Variants in RAB7A observed in about 807,000 individuals in gnomAD.
RAB7A encodes the protein ras-related protein Rab-7a.
Under a neutral mutation model 24.5 loss-of-function variants are expected in RAB7A, and 2 were observed. That is an observed-to-expected ratio of 0.08 (90% CI 0.03 to 0.26). RAB7A has a LOEUF of 0.26. Ranked by LOEUF, RAB7A falls within the 10% of genes least tolerant of loss-of-function variation. RAB7A has a pLI of 1.00. For synonymous variants in RAB7A, 100 were observed against 95.9 expected (o/e 1.04, Z -0.25); for missense variants, 118 against 255.7 (o/e 0.46, Z 3.67).
chr3:128,795,146 G>A (rs1933539028), intron 1 of RAB7A: 1 of 599,126 alleles, frequency 1.7e-6, no homozygotes, highest in African/African-American at 1.9e-5. Flanking sequence ...GCAGGGGCAG[G>A]ATGGCCCTGC....
intron 1 of RAB7A, among the ~76,000 whole-genome samples, chr3:128,777,910 C>T (rs1379913362): frequency 1.3e-5 from 2 of 152,134 alleles, no homozygotes; most frequent in Admixed American, 1.3e-4. Context: ...GACAGGGTTT[C>T]ACCATGCTGG....
intron 5 of RAB7A, among the ~76,000 whole-genome samples, chr3:128,808,559 A>C (rs1380384037): frequency 2.6e-5 from 4 of 152,186 alleles, no homozygotes; most frequent in Admixed American, 2.6e-4. Context: ...GATGTAGGAA[A>C]ACTATTCAAG....
At chr3:128,757,055 G>A (rs1387160809) in intron 1 of RAB7A, among the ~76,000 whole-genome samples, 3 of 152,018 alleles carry the variant, frequency 2.0e-5, no homozygotes, top group African/African-American at 7.2e-5. Flanking sequence ...ATATTGCCCA[G>A]GCTGGGCTTG....
rs963894786 is a variant in RAB7A at position 128,807,624 on chromosome 3, A to G, written c.481A>G (p.Asn161Asp). 6.2e-7 allele frequency: 1 copy of G among 1,614,100 alleles called. No homozygotes were observed. The highest frequency in any genetic ancestry group is 8.5e-7 in the Non-Finnish European group (1 of 1,180,046). Residue 161 changes from asparagine to aspartate, a missense_variant, in exon 5 of 6, where the codon AAC (asparagine) becomes GAC (aspartate). This residue lies in a region of RAB7A where 66 missense variants were observed against 82.2 expected (regional missense o/e 0.80). Coordinates refer to ENST00000265062, the MANE Select transcript of RAB7A (RefSeq NM_004637.6). ...YFETSAKEAI[N>D]VEQAFQTIAR... is the part of the protein sequence containing the mutation. ...TGAGACCAGTGCCAAGGAGGCCATCAACGTGGAGCAGGCGTTCCAGACGAT... is the reference window on the plus strand; with the variant it reads ...TGAGACCAGTGCCAAGGAGGCCATCGACGTGGAGCAGGCGTTCCAGACGAT...
At chr3:128,758,958 A>G (rs2070754995) in intron 1 of RAB7A, among the ~76,000 whole-genome samples, 1 of 152,166 alleles carries the variant, frequency 6.6e-6, no homozygotes. Context: ...TTCTAATGCT[A>G]CTCACTCAGG....
intron 1 of RAB7A, among the ~76,000 whole-genome samples, chr3:128,778,541 T>G (rs926920596): frequency 1.3e-5 from 2 of 152,184 alleles, no homozygotes; most frequent in Non-Finnish European, 2.9e-5. Flanking sequence ...CTTGGGCAGT[T>G]AAAATCACTA....
chr3:128,731,611 G>A (rs934511093), intron 1 of RAB7A, among the ~76,000 whole-genome samples: 2 of 152,204 alleles, frequency 1.3e-5, no homozygotes, highest in Non-Finnish European at 2.9e-5. Context: ...TGGAATGTCA[G>A]TCTAGGTCTG....
chr3:128,727,820 T>G (rs1414303756), intron 1 of RAB7A, among the ~76,000 whole-genome samples: 1 of 152,224 alleles, frequency 6.6e-6, no homozygotes, highest in Non-Finnish European at 1.5e-5. Flanking sequence ...CTTAGTGTGT[T>G]TCTCTCTTCA....
intron 3 of RAB7A, among the ~76,000 whole-genome samples, chr3:128,801,460 C>G (rs895917199): frequency 2.4e-3 from 4 of 1,688 alleles, no homozygotes; most frequent in Non-Finnish European, 0.01. Flanking sequence ...TTGTGTGCAG[C>G]CTTTGTATGT....
At chr3:128,789,791 CTT>C (rs1214389169) in intron 1 of RAB7A, among the ~76,000 whole-genome samples, 16 of 133,388 alleles carry the variant, frequency 1.2e-4, no homozygotes, top group African/African-American at 1.1e-4. Context: ...TTGTTCCTGG[CTT>C]TTTTTTTTTT....
chr3:128,786,773 C>T (rs1341290117), intron 1 of RAB7A, among the ~76,000 whole-genome samples: 1 of 152,138 alleles, frequency 6.6e-6, no homozygotes, highest in Non-Finnish European at 1.5e-5. Flanking sequence ...TTCTACTAAT[C>T]CAAGAAATGC....
intron 1 of RAB7A, among the ~76,000 whole-genome samples, chr3:128,769,192 C>G (rs1576286290): frequency 6.6e-6 from 1 of 151,834 alleles, no homozygotes; most frequent in East Asian, 1.9e-4. Flanking sequence ...CCACACCCGG[C>G]CCAGAACATT....
At chr3:128,766,864 G>A (rs536733626) in intron 1 of RAB7A, among the ~76,000 whole-genome samples, 1 of 152,242 alleles carries the variant, frequency 6.6e-6, no homozygotes, top group South Asian at 2.1e-4. Context: ...AACTCTTTGA[G>A]GAACTGCCAG....
At position 128,809,936 on chromosome 3, in the gene RAB7A, C is replaced by CTTTTTTTTTTTTT. The variant is rs869119619; in HGVS notation, c.528+2283_528+2295dup. On this transcript the variant is annotated intron_variant, in intron 5 of 5. Coordinates refer to ENST00000265062, the MANE Select transcript of RAB7A (RefSeq NM_004637.6). The stretch of plus-strand genomic sequence containing the variant: ...GAGGCAAGTTTCCTCTTGCCACAGT[C>CTTTTTTTTTTTTT]TTTTTTTTTTTTTTTTTTTTTTTTT... Among the ~76,000 whole-genome samples the CTTTTTTTTTTTTT allele has an allele frequency of 3.5e-3, 182 of 52,256 alleles. 48 individuals are homozygous for CTTTTTTTTTTTTT. The highest frequency in any genetic ancestry group is 4.3e-3 in the Non-Finnish European group (127 of 29,584). 34.3% of individuals were successfully genotyped at this position (52,256 alleles called of 152,430 possible).
At chr3:128,762,227 T>TAC (rs2107596525) in intron 1 of RAB7A, among the ~76,000 whole-genome samples, 1 of 152,310 alleles carries the variant, frequency 6.6e-6, no homozygotes, top group African/African-American at 2.4e-5. Context: ...TGTTCTAGGC[T>TAC]ACAGATAGAC....
intron 1 of RAB7A, among the ~76,000 whole-genome samples, chr3:128,775,775 GATAA>G (rs1933073383): frequency 6.6e-6 from 1 of 151,960 alleles, no homozygotes; most frequent in African/African-American, 2.4e-5. Flanking sequence ...ATTTTTAATT[GATAA>G]ATAAAAATGG....
intron 1 of RAB7A, among the ~76,000 whole-genome samples, chr3:128,752,461 A>T (rs1342271085): frequency 6.6e-6 from 1 of 152,110 alleles, no homozygotes; most frequent in African/African-American, 2.4e-5. Context: ...AAAAAGAAAA[A>T]TGAGGACAAA....
chr3:128,753,753 C>T (rs1022135586), intron 1 of RAB7A, among the ~76,000 whole-genome samples: 1 of 152,166 alleles, frequency 6.6e-6, no homozygotes, highest in African/African-American at 2.4e-5. Flanking sequence ...TAATCCTATC[C>T]ATAAGGGTGG....
At chr3:128,728,012 C>T (rs909417539) in intron 1 of RAB7A, among the ~76,000 whole-genome samples, 3 of 151,408 alleles carry the variant, frequency 2.0e-5, no homozygotes, top group African/African-American at 7.3e-5. Context: ...GTAATAAGTA[C>T]TGTGGCTTTA....
Sources: allele counts gnomAD v4.1 joint callset (sites outside exome capture counted in the v4.1 genomes callset), GRCh38; gene constraint gnomAD v4.1.1; regional missense constraint gnomAD v4.1.1; transcripts MANE v1.5; gene names NCBI Gene and HGNC (gene_info 2026-07-23, HGNC 2026-07-21).